DISP2: variants seen among roughly 807,000 people sequenced by gnomAD.
The protein encoded by DISP2 is protein dispatched homolog 2.
A neutral mutation model predicts 95.5 loss-of-function variants in DISP2; 59 were observed. That is an observed-to-expected ratio of 0.62 (90% CI 0.50 to 0.77). DISP2 has a LOEUF of 0.77. Ranked by LOEUF, DISP2 falls within the 30% of genes least tolerant of loss-of-function variation. DISP2 has a pLI of 0.00. For synonymous variants in DISP2, 827 were observed against 815.0 expected (o/e 1.01, Z -0.25); for missense variants, 1,752 against 1,854.6 (o/e 0.94, Z 1.02).
rs765694456 is a variant in DISP2, at chr15:40,370,065, A to G, written c.3953A>G (p.Asp1318Gly). 1 of 1,613,882 alleles carries G rather than the reference A, an allele frequency of 6.2e-7. No individual in the cohort carries two copies. Among genetic ancestry groups the G allele is most frequent in the South Asian group, 1.1e-5 (1 of 91,066 alleles). Residue 1318 changes from aspartate (D) to glycine (G), a missense_variant, in exon 8 of 8, where the codon GAT becomes GGT. Physicochemically the swap from Asp to Gly is moderately conservative, Grantham distance 94. Transcript: ENST00000267889. ...RVPDSVGVSP[D>G]DLDDTGQPVL... ...CCAGATTCCGTGGGTGTGTCCCCAGATGACCTGGATGACACTGGGCAGCCA... is the reference window on the plus strand; with the variant it reads ...CCAGATTCCGTGGGTGTGTCCCCAGGTGACCTGGATGACACTGGGCAGCCA...
chr15:40,360,107 T>C (rs149146553), intron 1 of DISP2, among the ~76,000 whole-genome samples: 2 of 152,324 alleles, frequency 1.3e-5, no homozygotes, highest in African/African-American at 4.8e-5. Context: ...CAGGCCCTGA[T>C]TGCTGGGATG....
In DISP2 at chr15:40,367,776, G is replaced by A. The variant is rs759053096; in HGVS notation, c.1664G>A (p.Cys555Tyr). 1.2e-6 allele frequency: 2 copies of A among 1,609,626 alleles called. No individual in the cohort carries two copies. Among genetic ancestry groups the A allele is most frequent in the East Asian group, 4.5e-5 (2 of 44,870 alleles). ...LAALLLLSSVCANHTLIFFDL... is the reference protein window; with the variant it reads ...LAALLLLSSVYANHTLIFFDL... ...GCCCTCCTCCTGCTGAGCAGCGTCT[G>A]CGCCAACCACACGCTCATCTTCTTC... The change falls in exon 8 of 8, where the codon TGC becomes TAC. Residue 555 changes from cysteine to tyrosine, a missense_variant. This residue lies in a region of DISP2 where 732 missense variants were observed against 714.6 expected (regional missense o/e 1.02). Coordinates refer to ENST00000267889, the MANE Select transcript of DISP2 (RefSeq NM_033510.3).
At position 40,377,690 on chromosome 15, in the gene DISP2, G is replaced by A. The variant is rs1448066082; in HGVS notation, c.*7372G>A. The A allele has an allele frequency of 6.6e-6, 1 of 152,352 alleles. No individual in the cohort carries two copies. Among genetic ancestry groups the A allele is most frequent in the African/African-American group, 2.4e-5 (1 of 41,440 alleles). 9.4% of individuals were successfully genotyped at this position (152,352 alleles called of 1,614,324 possible). A position where few individuals can be genotyped will look rare whatever the true frequency, so the allele number is the denominator to read the frequency against. The stretch of plus-strand genomic sequence containing the variant: ...GAAAGGTGGATATATAGAGAATTCT[G>A]GGGATCTGCAAAGGGCCCCCCTTGA... On this transcript the variant is annotated 3_prime_UTR_variant, in exon 8 of 8. Transcript: ENST00000267889.
chr15:40,364,843 T>G lies in DISP2; in HGVS notation c.609T>G (p.Phe203Leu), dbSNP rs773418128. Reference protein sequence around the residue: ...LPDFSKPLLGFEPRDTDIGSK... With the variant: ...LPDFSKPLLGLEPRDTDIGSK... Reference sequence around the variant, plus strand: ...CTCCACCCTCCTCCCTGCAGGGCTTTGAGCCACGGGACACAGACATTGGGA... The same window carrying G: ...CTCCACCCTCCTCCCTGCAGGGCTTGGAGCCACGGGACACAGACATTGGGA... Residue 203 changes from phenylalanine to leucine, a missense_variant, in exon 5 of 8, where the codon TTT (phenylalanine) becomes TTG (leucine). Physicochemically the swap from Phe to Leu is conservative, Grantham distance 22 (BLOSUM62 0). Transcript: ENST00000267889. 9 of 1,613,904 alleles carry G rather than the reference T, an allele frequency of 5.6e-6. No individual in the cohort carries two copies. Among genetic ancestry groups the G allele is most frequent in the Non-Finnish European group, 7.6e-6 (9 of 1,179,880 alleles).
Position 40,358,427 on chromosome 15 carries a change from G to T in DISP2, c.106G>T (p.Gly36Cys). ...PEGEPLAPDG[G>C]SPDSTQTKAV... ...GGGGGAGCCCTTGGCCCCAGACGGCGGCTCCCCGGACAGGTAGGGCGGACA... is the reference window on the plus strand; with the variant it reads ...GGGGGAGCCCTTGGCCCCAGACGGCTGCTCCCCGGACAGGTAGGGCGGACA... Residue 36 changes from glycine to cysteine, a missense_variant, in exon 1 of 8, where the codon GGC (glycine) becomes TGC (cysteine). Coordinates refer to ENST00000267889, the MANE Select transcript of DISP2 (RefSeq NM_033510.3). 1 of 1,323,258 alleles carries T rather than the reference G, an allele frequency of 7.6e-7. No individual in the cohort carries two copies. The highest frequency in any genetic ancestry group is 9.6e-7 in the Non-Finnish European group (1 of 1,036,726). 82.0% of individuals were successfully genotyped at this position (1,323,258 alleles called of 1,614,324 possible). A position where few individuals can be genotyped will look rare whatever the true frequency, so the allele number is the denominator to read the frequency against.
chr15:40,368,068 T>A lies in DISP2; in HGVS notation c.1956T>A (p.Cys652Ter). The A allele has an allele frequency of 6.9e-7, 1 of 1,451,002 alleles. No individual in the cohort carries two copies. The highest frequency in any genetic ancestry group is 1.4e-5 in the South Asian group (1 of 72,208). 89.9% of individuals were successfully genotyped at this position (1,451,002 alleles called of 1,614,324 possible). ...VLHERYLARG[C>*]ARRARGRWEG... ...ACGAGCGCTACCTGGCGCGCGGCTGTGCGCGCCGGGCGCGGGGCCGGTGGG... is the reference window on the plus strand; with the variant it reads ...ACGAGCGCTACCTGGCGCGCGGCTGAGCGCGCCGGGCGCGGGGCCGGTGGG... The change falls in exon 8 of 8, where the codon TGT becomes TGA. Residue 652 changes from cysteine to a stop codon, truncating the protein, a stop_gained. Transcript: ENST00000267889. LOFTEE classifies it high-confidence loss of function.
chr15:40,358,529 C>G, intron 1 of DISP2, 89 bp downstream of exon 1: 1 of 999,624 alleles, frequency 1.0e-6, no homozygotes, highest in Non-Finnish European at 1.3e-6. Flanking sequence ...ATATGTTGCC[C>G]CATTCATTCC....
At chr15:40,365,103 T>A in intron 5 of DISP2, 44 bp from the exon 6 acceptor site, 1 of 1,604,182 alleles carries the variant, frequency 6.2e-7, no homozygotes, top group South Asian at 1.1e-5. Flanking sequence ...CTCTGAGTCT[T>A]CCAACCCTAA....
chr15:40,358,238 C>CGCT lies in DISP2; in HGVS notation c.-82_-81insTGC, dbSNP rs1889340848. 16 of 869,638 alleles carry CGCT rather than the reference C, an allele frequency of 1.8e-5. No individual in the cohort carries two copies. The highest frequency in any genetic ancestry group is 2.0e-5 in the African/African-American group (1 of 50,970). The allele number at this position is 869,638 out of a possible 1,614,324, so 53.9% of individuals were successfully genotyped here. On this transcript the variant is annotated 5_prime_UTR_variant, in exon 1 of 8. Coordinates refer to ENST00000267889, the MANE Select transcript of DISP2 (RefSeq NM_033510.3). ...CTACGCATGCGCACGAGCACCCCGC[C>CGCT]GCCGCTGCCGCCGCCACCGCCGCCG...
Position 40,369,030 on chromosome 15 carries a change from C to T in DISP2, c.2918C>T (p.Ala973Val), listed in dbSNP as rs556977731. The T allele has an allele frequency of 2.2e-5, 35 of 1,613,950 alleles. No individual in the cohort carries two copies. The South Asian group carries it at 3.0e-4, about 14-fold the overall frequency. Reference protein sequence around the residue: ...EPAVVLGLALALAFATLLLGT... With the variant: ...EPAVVLGLALVLAFATLLLGT... ...GCTGTGGTGCTGGGCCTGGCTTTGG[C>T]GCTGGCCTTTGCCACACTGCTCCTG... is the stretch of plus-strand genomic sequence containing the variant. The change falls in exon 8 of 8, where the codon GCG (alanine) becomes GTG (valine). Residue 973 changes from alanine (A) to valine (V), a missense_variant. Coordinates refer to ENST00000267889, the MANE Select transcript of DISP2 (RefSeq NM_033510.3).
At position 40,368,819 on chromosome 15, in the gene DISP2, C is replaced by G; in HGVS notation, c.2707C>G (p.Leu903Val). The G allele has an allele frequency of 6.2e-7, 1 of 1,613,996 alleles. No homozygotes were observed. The highest frequency in any genetic ancestry group is 8.5e-7 in the Non-Finnish European group (1 of 1,180,052). ...TGATGCCCATGGCAGCCTGGCCGCC[C>G]TGGTCCTACAATTCCAGACCAACTT... ...RFDAHGSLAA[L>V]VLQFQTNFRN... The change falls in exon 8 of 8, where the codon CTG becomes GTG. Residue 903 changes from leucine (L) to valine (V), a missense_variant. Physicochemically the swap from Leu to Val is conservative, Grantham distance 32. Coordinates refer to ENST00000267889, the MANE Select transcript of DISP2 (RefSeq NM_033510.3).
Position 40,358,242 on chromosome 15 carries a change from G to GCTGCCGCCGCCA in DISP2, c.-78_-67dup. On this transcript the variant is annotated 5_prime_UTR_variant, in exon 1 of 8. Coordinates refer to ENST00000267889, the MANE Select transcript of DISP2 (RefSeq NM_033510.3). Reference sequence around the variant, plus strand: ...GCATGCGCACGAGCACCCCGCCGCCGCTGCCGCCGCCACCGCCGCCGCCGC... The same window carrying GCTGCCGCCGCCA: ...GCATGCGCACGAGCACCCCGCCGCCGCTGCCGCCGCCACTGCCGCCGCCACCGCCGCCGCCGC... The GCTGCCGCCGCCA allele has an allele frequency of 1.1e-6, 1 of 952,114 alleles. No individual in the cohort carries two copies. The allele number at this position is 952,114 out of a possible 1,614,324, so 59.0% of individuals were successfully genotyped here.
At position 40,368,191 on chromosome 15, in the gene DISP2, C is replaced by T. The variant is rs775630966; in HGVS notation, c.2079C>T (p.Arg693=). The part of the protein sequence containing the change: ...AAGTSRLLFQ[R]LLPCGVIKFR... The stretch of plus-strand genomic sequence containing the variant: ...GCACCTCGCGTCTGCTCTTCCAGCG[C>T]CTGCTGCCCTGCGGCGTCATCAAGT... The change falls in exon 8 of 8, where the codon CGC becomes CGT. Residue 693 remains arginine, a synonymous_variant. Transcript: ENST00000267889. 3.7e-6 allele frequency: 6 copies of T among 1,603,622 alleles called. No homozygotes were observed. In the Admixed American group the frequency reaches 1.0e-4, roughly 27 times the overall value.
At position 40,367,837 on chromosome 15, in the gene DISP2, G is replaced by A. The variant is rs75662097; in HGVS notation, c.1725G>A (p.Ser575=). ...GCCTTAGCAAGAGCCAGCTGCCGTC[G>A]GGGGGGCTGGCGCAGCGCGTGGGCC... is the stretch of plus-strand genomic sequence containing the variant. The part of the protein sequence containing the change: ...LWRLSKSQLP[S]GGLAQRVGRT... Residue 575 remains serine, a synonymous_variant, in exon 8 of 8, where the codon TCG becomes TCA. Coordinates refer to ENST00000267889, the MANE Select transcript of DISP2 (RefSeq NM_033510.3). 3,520 of 1,600,772 alleles carry A rather than the reference G, an allele frequency of 2.2e-3. 11 individuals are homozygous for A. The highest frequency in any genetic ancestry group is 2.5e-3 in the Non-Finnish European group (2,988 of 1,179,598).
chr15:40,365,337 G>C (rs527974350), intron 6 of DISP2, 63 bp downstream of exon 6: 2 of 1,584,844 alleles, frequency 1.3e-6, no homozygotes, highest in African/African-American at 1.4e-5. Context: ...TAGTAGGACA[G>C]GCAGGCCCAG....
Position 40,368,712 on chromosome 15 carries a change from C to A in DISP2, c.2600C>A (p.Ala867Asp). Residue 867 changes from alanine (A) to aspartate (D), a missense_variant, in exon 8 of 8, where the codon GCC becomes GAC. Around this residue, in one of 5 missense-constraint regions of DISP2, gnomAD observed 317 missense variants for 394.9 expected, o/e 0.80. Transcript: ENST00000267889. ...LCCGHSDFPW[A>D]PQFFLHCLKM... ...TGCGGCCACTCGGACTTCCCCTGGGCCCCCCAGTTTTTCCTGCACTGCCTG... is the reference window on the plus strand; with the variant it reads ...TGCGGCCACTCGGACTTCCCCTGGGACCCCCAGTTTTTCCTGCACTGCCTG... 1 of 1,613,226 alleles carries A rather than the reference C, an allele frequency of 6.2e-7. No homozygotes were observed. Among genetic ancestry groups the A allele is most frequent in the South Asian group, 1.1e-5 (1 of 91,086 alleles).
In DISP2 at chr15:40,375,754, G is replaced by C. The variant is rs1889723802; in HGVS notation, c.*5436G>C. ...ACGAGGGTTTGCACTCCCCTACAAG[G>C]ACATGAAGACTTTCTAGAAGGTAGG... On this transcript the variant is annotated 3_prime_UTR_variant, in exon 8 of 8. Transcript: ENST00000267889. The C allele has an allele frequency of 6.6e-6, 1 of 152,156 alleles. No homozygotes were observed. The highest frequency in any genetic ancestry group is 1.5e-5 in the Non-Finnish European group (1 of 68,036). 9.4% of individuals were successfully genotyped at this position (152,156 alleles called of 1,614,324 possible).
Position 40,367,375 on chromosome 15 carries a change from G to T in DISP2, c.1263G>T (p.Leu421=), listed in dbSNP as rs753473635. Residue 421 remains leucine, a synonymous_variant, in exon 8 of 8, where the codon CTG becomes CTT. Transcript: ENST00000267889. ...LLHFLLDRDF[L]SPQTTDYQVP... ...ACTTTCTGCTTGACAGGGACTTTCT[G>T]AGTCCCCAGACCACTGACTACCAGG... The T allele has an allele frequency of 6.2e-7, 1 of 1,613,370 alleles. No individual in the cohort carries two copies.
At position 40,370,496 on chromosome 15, in the gene DISP2, C is replaced by A; in HGVS notation, c.*178C>A. 1 of 1,160,722 alleles carries A rather than the reference C, an allele frequency of 8.6e-7. No homozygotes were observed. The highest frequency in any genetic ancestry group is 1.2e-6 in the Non-Finnish European group (1 of 814,866). The allele number at this position is 1,160,722 out of a possible 1,614,324, so 71.9% of individuals were successfully genotyped here. A position where few individuals can be genotyped will look rare whatever the true frequency, so the allele number is the denominator to read the frequency against. ...AGCCTTGATCTGTCTGCTCCTACTC[C>A]TCACATCTGGAGGATTCCAGCAGGA... On this transcript the variant is annotated 3_prime_UTR_variant, in exon 8 of 8. Coordinates refer to ENST00000267889, the MANE Select transcript of DISP2 (RefSeq NM_033510.3).
Sources: allele counts gnomAD v4.1 joint callset (sites outside exome capture counted in the v4.1 genomes callset), GRCh38; gene constraint gnomAD v4.1.1; regional missense constraint gnomAD v4.1.1; transcripts MANE v1.5; gene names NCBI Gene and HGNC (gene_info 2026-07-23, HGNC 2026-07-21).